Variants in SGCD observed in about 807,000 individuals in gnomAD.
The protein encoded by SGCD is delta-sarcoglycan.
Under a neutral mutation model 36.6 loss-of-function variants are expected in SGCD, and 18 were observed. The observed-to-expected ratio is 0.49, with a 90% CI of 0.34 to 0.73. SGCD has a LOEUF of 0.73. SGCD is among the 30% of genes least tolerant of loss of function. SGCD has a pLI of 0.01. For synonymous variants in SGCD, 133 were observed against 130.6 expected (o/e 1.02, Z -0.12); for missense variants, 387 against 346.7 (o/e 1.12, Z -0.92).
chr5:156,433,363 T>A (rs1182113529), intron 3 of SGCD, among the ~76,000 whole-genome samples: 1 of 152,120 alleles, frequency 6.6e-6, no homozygotes, highest in Non-Finnish European at 1.5e-5. Flanking sequence ...TCTACTGCCT[T>A]CCCCAAACAC....
At chr5:156,568,306 C>T (rs547566765) in intron 4 of SGCD, among the ~76,000 whole-genome samples, 71 of 152,272 alleles carry the variant, frequency 4.7e-4, no homozygotes, top group African/African-American at 1.6e-3. Flanking sequence ...ATCGCTTGAA[C>T]CCGGGAGGCA....
At chr5:156,173,729 A>G (rs924020504) in intron 3 of SGCD, among the ~76,000 whole-genome samples, 4 of 152,176 alleles carry the variant, frequency 2.6e-5, no homozygotes, top group African/African-American at 9.6e-5. Flanking sequence ...AATGTTAAAT[A>G]TCTAAATATG....
chr5:156,302,934 C>A (rs1464755077), intron 3 of SGCD, among the ~76,000 whole-genome samples: 1 of 152,172 alleles, frequency 6.6e-6, no homozygotes, highest in African/African-American at 2.4e-5. Context: ...CAGCATAGTA[C>A]TAGGTCTTAC....
At chr5:155,778,425 G>T in the SGCD span, among the ~76,000 whole-genome samples, 2 of 152,142 alleles carry the variant, frequency 1.3e-5, no homozygotes, top group Non-Finnish European at 2.9e-5. Flanking sequence ...TCTGTAATTG[G>T]AAGAGAAGAG....
At chr5:156,152,426 C>T (rs1185913893) in intron 3 of SGCD, among the ~76,000 whole-genome samples, 2 of 151,568 alleles carry the variant, frequency 1.3e-5, no homozygotes, top group Non-Finnish European at 2.9e-5. Context: ...ATATCTAGTA[C>T]AGTAGCCACT....
the SGCD span, among the ~76,000 whole-genome samples, chr5:155,829,467 C>T: frequency 3.3e-5 from 5 of 152,192 alleles, no homozygotes; most frequent in Non-Finnish European, 5.9e-5. Context: ...TCAAAGCCTT[C>T]ACAAGAAAAT....
intron 1 of SGCD, among the ~76,000 whole-genome samples, chr5:156,014,573 T>A (rs1182890983): frequency 6.6e-6 from 1 of 152,220 alleles, no homozygotes. Context: ...TCTTATACAA[T>A]CTTAGTAAAT....
chr5:156,637,334 G>A (rs1434455868), intron 6 of SGCD, among the ~76,000 whole-genome samples: 1 of 152,024 alleles, frequency 6.6e-6, no homozygotes, highest in Non-Finnish European at 1.5e-5. Flanking sequence ...GTCTTTATTA[G>A]CAGCATGAGA....
chr5:156,510,932 A>G (rs1356610899), intron 4 of SGCD, among the ~76,000 whole-genome samples: 1 of 152,212 alleles, frequency 6.6e-6, no homozygotes, highest in African/African-American at 2.4e-5. Context: ...TGTATGCAGG[A>G]ATTGGATGTC....
intron 7 of SGCD, among the ~76,000 whole-genome samples, chr5:156,724,928 G>A (rs1336771752): frequency 3.3e-5 from 5 of 152,084 alleles, no homozygotes. Flanking sequence ...TGTACTTATG[G>A]CAGTAAAATA....
intron 3 of SGCD, among the ~76,000 whole-genome samples, chr5:156,191,200 C>T (rs1416467525): frequency 1.3e-5 from 2 of 151,928 alleles, no homozygotes; most frequent in East Asian, 3.9e-4. Flanking sequence ...TAGAGTTACA[C>T]CTTACAGAGA....
intron 3 of SGCD, among the ~76,000 whole-genome samples, chr5:156,177,122 A>T (rs1471031324): frequency 6.6e-6 from 1 of 151,968 alleles, no homozygotes; most frequent in African/African-American, 2.4e-5. Flanking sequence ...CTGCCTCAGC[A>T]TCCTGAGTAG....
chr5:156,126,285 G>A (rs1762171016), intron 3 of SGCD, among the ~76,000 whole-genome samples: 1 of 152,132 alleles, frequency 6.6e-6, no homozygotes, highest in South Asian at 2.1e-4. Flanking sequence ...TTTGATTACT[G>A]AGGTTTTTTG....
chr5:156,012,589 A>G (rs1758882328), intron 1 of SGCD, among the ~76,000 whole-genome samples: 1 of 150,948 alleles, frequency 6.6e-6, no homozygotes, highest in East Asian at 2.0e-4. Flanking sequence ...CTTTACTAAG[A>G]TTGTTTAATA....
At chr5:156,731,445 C>G (rs1402065733) in intron 7 of SGCD, among the ~76,000 whole-genome samples, 1 of 152,144 alleles carries the variant, frequency 6.6e-6, no homozygotes, top group African/African-American at 2.4e-5. Flanking sequence ...CGGTGTCAGT[C>G]TTCTGCATAT....
intron 1 of SGCD, among the ~76,000 whole-genome samples, chr5:155,968,903 T>C (rs1248366775): frequency 1.3e-5 from 2 of 152,152 alleles, no homozygotes; most frequent in Non-Finnish European, 2.9e-5. Flanking sequence ...TTTTGTTTTG[T>C]GATTGTTTTA....
chr5:156,288,715 A>AT (rs78196376), intron 3 of SGCD, among the ~76,000 whole-genome samples: 145 of 151,498 alleles, frequency 9.6e-4, no homozygotes, highest in East Asian at 3.5e-3. Context: ...CTTTAGTTCA[A>AT]TTTTTTTTTC....
At chr5:156,487,813 A>AAAAAGAAAAAG (rs1554107842) in intron 3 of SGCD, among the ~76,000 whole-genome samples, 9 of 77,796 alleles carry the variant, frequency 1.2e-4, no homozygotes, top group South Asian at 5.4e-4. Flanking sequence ...AAAAAAAAAA[A>AAAAAGAAAAAG]AAAGAAAGAA....
At chr5:156,316,613 C>T (rs1335349059) in intron 3 of SGCD, among the ~76,000 whole-genome samples, 1 of 151,880 alleles carries the variant, frequency 6.6e-6, no homozygotes, top group East Asian at 1.9e-4. Flanking sequence ...ACACATAAGC[C>T]ACATGGAACA....
Sources: allele counts gnomAD v4.1 joint callset (sites outside exome capture counted in the v4.1 genomes callset), GRCh38; gene constraint gnomAD v4.1.1; transcripts MANE v1.5; gene names NCBI Gene and HGNC (gene_info 2026-07-23, HGNC 2026-07-21).